Variants in CCDC91 observed in about 807,000 individuals in gnomAD.
CCDC91 encodes the protein coiled-coil domain containing 91.
Under a neutral mutation model 63.2 loss-of-function variants are expected in CCDC91, and 48 were observed. That is an observed-to-expected ratio of 0.76 (90% CI 0.60 to 0.97). CCDC91 has a LOEUF of 0.97. CCDC91 is among the 50% of genes least tolerant of loss of function. The pLI is 0.00. For synonymous variants in CCDC91, 167 were observed against 165.8 expected (o/e 1.01, Z -0.06); for missense variants, 500 against 494.6 (o/e 1.01, Z -0.10).
At chr12:28,246,040 A>C (rs1945708560) in intron 1 of CCDC91, among the ~76,000 whole-genome samples, 1 of 152,204 alleles carries the variant, frequency 6.6e-6, no homozygotes. Context: ...GTGGCTGAAT[A>C]AACTTTGGCA....
intron 8 of CCDC91, among the ~76,000 whole-genome samples, chr12:28,436,347 G>A (rs1349793743): frequency 6.6e-6 from 1 of 151,634 alleles, no homozygotes; most frequent in Non-Finnish European, 1.5e-5. Flanking sequence ...AGGATAGTAT[G>A]CCATTTCACA....
At chr12:28,454,041 G>A (rs1318329644) in intron 11 of CCDC91, among the ~76,000 whole-genome samples, 2 of 152,052 alleles carry the variant, frequency 1.3e-5, no homozygotes, top group African/African-American at 4.8e-5. Flanking sequence ...TCTTCTATAG[G>A]TTCAGAATAT....
intron 1 of CCDC91, chr12:28,256,736 A>G (rs1946484781): frequency 6.5e-6 from 1 of 153,896 alleles, no homozygotes. Context: ...CAGCTCAAAA[A>G]TGCTGATCAA....
chr12:28,239,508 A>G (rs1308758845), intron 1 of CCDC91, among the ~76,000 whole-genome samples: 1 of 152,140 alleles, frequency 6.6e-6, no homozygotes, highest in African/African-American at 2.4e-5. Flanking sequence ...TATATCTGGG[A>G]GTTCATATTA....
chr12:28,423,269 TG>T (rs1948118328), intron 8 of CCDC91, among the ~76,000 whole-genome samples: 1 of 152,186 alleles, frequency 6.6e-6, no homozygotes. Context: ...AACTGTTGAT[TG>T]TCAGGCTAAA....
At chr12:28,511,916 A>T (rs1444110537) in intron 12 of CCDC91, among the ~76,000 whole-genome samples, 1 of 151,704 alleles carries the variant, frequency 6.6e-6, no homozygotes, top group Non-Finnish European at 1.5e-5. Context: ...GTTCTAGGAT[A>T]CTCTAGGACT....
intron 1 of CCDC91, among the ~76,000 whole-genome samples, chr12:28,207,072 C>G (rs1942913502): frequency 6.6e-6 from 1 of 152,238 alleles, no homozygotes; most frequent in Admixed American, 6.5e-5. Flanking sequence ...CTGCAAAATT[C>G]TTCACAAATG....
At chr12:28,412,731 A>G (rs1211468252) in intron 8 of CCDC91, 3 of 453,336 alleles carry the variant, frequency 6.6e-6, no homozygotes, top group Middle Eastern at 6.8e-4. Flanking sequence ...GTCCCCTCCC[A>G]TGTTCCATTT....
chr12:28,518,691 A>G (rs982866781), intron 12 of CCDC91, among the ~76,000 whole-genome samples: 5 of 151,746 alleles, frequency 3.3e-5, no homozygotes, highest in Admixed American at 2.6e-4. Context: ...TTTTTATTGC[A>G]TTTGTTTTTG....
chr12:28,315,610 A>G (rs1939779245), intron 6 of CCDC91, among the ~76,000 whole-genome samples: 1 of 152,014 alleles, frequency 6.6e-6, no homozygotes, highest in Non-Finnish European at 1.5e-5. Context: ...ATAATCTTCA[A>G]TCCAGGATCA....
chr12:28,458,574 A>G (rs1445972848), intron 11 of CCDC91, among the ~76,000 whole-genome samples: 1 of 145,424 alleles, frequency 6.9e-6, no homozygotes, highest in Non-Finnish European at 1.5e-5. Context: ...GTTTCAAGCA[A>G]TTCTTCTGCC....
chr12:28,292,725 G>A (rs970949270), intron 3 of CCDC91, among the ~76,000 whole-genome samples: 2 of 152,048 alleles, frequency 1.3e-5, no homozygotes, highest in Non-Finnish European at 2.9e-5. Flanking sequence ...AAAGCCACAA[G>A]AATGTAGTAT....
chr12:28,362,574 C>A, intron 7 of CCDC91, 59 bp downstream of exon 7: 1 of 1,037,884 alleles, frequency 9.6e-7, no homozygotes, highest in Non-Finnish European at 1.4e-6. Flanking sequence ...AAAAAATGTA[C>A]ACATGTAGGT....
At chr12:28,288,215 C>T (rs938985303) in intron 3 of CCDC91, among the ~76,000 whole-genome samples, 1 of 152,116 alleles carries the variant, frequency 6.6e-6, no homozygotes, top group Non-Finnish European at 1.5e-5. Flanking sequence ...CCTGATTGCT[C>T]TGTCCAGGAC....
At chr12:28,291,921 C>G (rs1949275742) in intron 3 of CCDC91, among the ~76,000 whole-genome samples, 1 of 152,142 alleles carries the variant, frequency 6.6e-6, no homozygotes, top group Non-Finnish European at 1.5e-5. Flanking sequence ...AATGGCCAGC[C>G]ACTGTGATCT....
intron 1 of CCDC91, among the ~76,000 whole-genome samples, chr12:28,244,287 CA>C (rs1332703332): frequency 6.6e-6 from 1 of 151,982 alleles, no homozygotes; most frequent in Non-Finnish European, 1.5e-5. Flanking sequence ...ATTTAAAAAA[CA>C]ACCAGTCAAC....
chr12:28,435,961 A>G lies in CCDC91; in HGVS notation c.763-14200A>G, dbSNP rs578007206. The stretch of plus-strand genomic sequence containing the variant: ...TGTTAACATAGTATATCTTTCTCCA[A>G]CCCTTAATTTTAATCTACACATCTT... On this transcript the variant is annotated intron_variant, in intron 8 of 12. Transcript: ENST00000536442. Among the ~76,000 whole-genome samples the G allele has an allele frequency of 3.3e-5, 5 of 150,934 alleles. 1 individual carries two copies. Among genetic ancestry groups the G allele is most frequent in the Admixed American group, 6.6e-5 (1 of 15,088 alleles).
chr12:28,243,054 C>G (rs1297005104), intron 1 of CCDC91, among the ~76,000 whole-genome samples: 1 of 152,110 alleles, frequency 6.6e-6, no homozygotes, highest in Non-Finnish European at 1.5e-5. Context: ...CCAATTAAAC[C>G]CCATTTCTTT....
intron 6 of CCDC91, among the ~76,000 whole-genome samples, chr12:28,321,474 C>T (rs1385332806): frequency 6.6e-6 from 1 of 151,846 alleles, no homozygotes; most frequent in African/African-American, 2.4e-5. Context: ...TGGTTTCCCC[C>T]TAAAATTCGT....
Sources: allele counts gnomAD v4.1 joint callset (sites outside exome capture counted in the v4.1 genomes callset), GRCh38; gene constraint gnomAD v4.1.1; transcripts MANE v1.5; gene names NCBI Gene and HGNC (gene_info 2026-07-23, HGNC 2026-07-21).